The following GPHN variants were observed in gnomAD, a reference collection of about 807,000 sequenced individuals.
GPHN encodes gephyrin.
Under a neutral mutation model 95.5 loss-of-function variants are expected in GPHN, and 17 were observed. That is an observed-to-expected ratio of 0.18 (90% CI 0.12 to 0.27). The LOEUF is 0.27. Ranked by LOEUF, GPHN falls within the 10% of genes least tolerant of loss-of-function variation. The probability of loss-of-function intolerance (pLI) is 1.00; values close to 1 mark genes in which losing one functional copy is unlikely to be tolerated. For synonymous variants in GPHN, 320 were observed against 322.5 expected (o/e 0.99, Z 0.08); for missense variants, 660 against 978.1 (o/e 0.67, Z 4.34).
intron 1 of GPHN, among the ~76,000 whole-genome samples, chr14:66,672,381 G>C (rs2066346769): frequency 6.6e-6 from 1 of 152,088 alleles, no homozygotes; most frequent in African/African-American, 2.4e-5. Flanking sequence ...TGTCTATTCT[G>C]CTTTTATTGG....
At chr14:66,554,233 A>G (rs1433040021) in intron 1 of GPHN, among the ~76,000 whole-genome samples, 1 of 152,232 alleles carries the variant, frequency 6.6e-6, no homozygotes, top group Non-Finnish European at 1.5e-5. Context: ...AAATAAAATT[A>G]AGGTTAGGTT....
chr14:66,572,039 C>T (rs117088294), intron 1 of GPHN, among the ~76,000 whole-genome samples: 2,906 of 152,250 alleles, frequency 0.019, 38 homozygotes, highest in Middle Eastern at 0.034. Context: ...GTTCTTTCTC[C>T]ATTGTGCATT....
intron 5 of GPHN, among the ~76,000 whole-genome samples, chr14:66,894,995 A>G (rs1314774133): frequency 1.3e-5 from 2 of 152,246 alleles, no homozygotes; most frequent in Non-Finnish European, 2.9e-5. Flanking sequence ...TGACCCAGCC[A>G]TCCCATTACT....
the GPHN span, among the ~76,000 whole-genome samples, chr14:67,240,100 G>A: frequency 2.6e-5 from 4 of 152,200 alleles, no homozygotes; most frequent in African/African-American, 9.7e-5. Context: ...GAGCATTAAG[G>A]TCTTTAGTGG....
the GPHN span, chr14:67,382,414 A>G: frequency 1.3e-6 from 2 of 1,590,598 alleles, no homozygotes; most frequent in Admixed American, 3.4e-5. Context: ...CTGTAGGTAC[A>G]TTCATAAATG....
Position 66,965,206 on chromosome 14 carries a change from A to G in GPHN, c.844A>G (p.Ile282Val), listed in dbSNP as rs934987371. Reference protein sequence around the residue: ...STDERIPDSIISRGVQVLPRD... With the variant: ...STDERIPDSIVSRGVQVLPRD... ...CCTTGTTCAGATTCCAGACTCCATC[A>G]TTTCTCGTGGTGTTCAGGTGCTCCC... The change falls in exon 9 of 23, where the codon ATT (isoleucine) becomes GTT (valine). Residue 282 changes from isoleucine to valine, a missense_variant. By Grantham distance (29) the Ile-to-Val change is conservative. Transcript: ENST00000478722. 1.2e-5 allele frequency: 19 copies of G among 1,612,062 alleles called. No homozygotes were observed. Among genetic ancestry groups the G allele is most frequent in the Non-Finnish European group, 1.5e-5 (18 of 1,178,250 alleles).
the GPHN span, among the ~76,000 whole-genome samples, chr14:67,688,558 T>C: frequency 2.0e-5 from 3 of 151,844 alleles, no homozygotes; most frequent in Admixed American, 2.0e-4. Context: ...TGAAGGTGGT[T>C]TTTCACCTTA....
intron 2 of GPHN, among the ~76,000 whole-genome samples, chr14:66,713,221 A>C (rs113940675): frequency 5.3e-5 from 8 of 152,174 alleles, no homozygotes. Context: ...GCCTAAGCCA[A>C]CGTGTAGAAG....
At chr14:67,168,776 A>C (rs2082429648) in intron 20 of GPHN, among the ~76,000 whole-genome samples, 157 bp from the exon 21 acceptor site, 1 of 152,168 alleles carries the variant, frequency 6.6e-6, no homozygotes, top group African/African-American at 2.4e-5. Flanking sequence ...TTAGTTGACT[A>C]TACCTCTGTT....
chr14:67,506,078 G>A, the GPHN span, among the ~76,000 whole-genome samples: 2 of 152,170 alleles, frequency 1.3e-5, no homozygotes, highest in Admixed American at 6.5e-5. Context: ...CTGAGAATCC[G>A]ATAAAAATAT....
chr14:66,961,906 A>ATATATATATGTG (rs2068940524), intron 8 of GPHN, among the ~76,000 whole-genome samples: 22 of 63,592 alleles, frequency 3.5e-4, no homozygotes, highest in African/African-American at 9.6e-4. Context: ...ATGTGTATAT[A>ATATATATATGTG]TATATATATA....
chr14:66,683,954 C>T (rs1437879053), intron 2 of GPHN, among the ~76,000 whole-genome samples: 1 of 144,940 alleles, frequency 6.9e-6, no homozygotes, highest in South Asian at 2.2e-4. Flanking sequence ...CCAGCGTGGG[C>T]AACAGAGCAA....
At chr14:66,917,622 C>T (rs901926925) in intron 6 of GPHN, among the ~76,000 whole-genome samples, 4 of 152,162 alleles carry the variant, frequency 2.6e-5, no homozygotes, top group Admixed American at 2.0e-4. Flanking sequence ...CAAGTTCCTC[C>T]TGCACAGTCT....
the GPHN span, among the ~76,000 whole-genome samples, chr14:67,217,649 G>T: frequency 6.6e-6 from 1 of 152,004 alleles, no homozygotes; most frequent in Non-Finnish European, 1.5e-5. Context: ...CTATATATAA[G>T]TCCCTTGAGC....
intron 4 of GPHN, among the ~76,000 whole-genome samples, chr14:66,830,317 G>A (rs1297003337): frequency 6.6e-6 from 1 of 151,918 alleles, no homozygotes; most frequent in African/African-American, 2.4e-5. Flanking sequence ...CCATATTGAA[G>A]TGTATTGCCT....
chr14:66,975,656 G>T (rs924150181), intron 9 of GPHN, among the ~76,000 whole-genome samples: 5 of 151,686 alleles, frequency 3.3e-5, no homozygotes, highest in African/African-American at 1.2e-4. Context: ...AAGGAGGGAG[G>T]ATCACTGAAG....
intron 10 of GPHN, among the ~76,000 whole-genome samples, chr14:67,044,165 C>T (rs1415214096): frequency 2.0e-5 from 3 of 151,850 alleles, no homozygotes; most frequent in Non-Finnish European, 4.4e-5. Context: ...GGTGAAACCC[C>T]GTCTCTACTA....
chr14:67,443,590 G>T, the GPHN span, among the ~76,000 whole-genome samples: 28 of 151,480 alleles, frequency 1.8e-4, no homozygotes, highest in African/African-American at 6.8e-4. Context: ...AAAAAAAAAA[G>T]AAAGAAAGAA....
chr14:67,429,269 C>T, the GPHN span, among the ~76,000 whole-genome samples: 169 of 148,934 alleles, frequency 1.1e-3, 1 homozygote, highest in Non-Finnish European at 1.8e-3. Flanking sequence ...CTCACACTGT[C>T]GCCCAGGCTG....
Sources: gnomAD v4.1 joint callset for allele counts (sites outside exome capture counted in the v4.1 genomes callset) on GRCh38, gnomAD v4.1.1 for gene constraint, MANE v1.5 for transcripts, NCBI Gene and HGNC (gene_info 2026-07-23, HGNC 2026-07-21) for gene names.